Variants in COL6A2 observed in about 807,000 individuals in gnomAD.
COL6A2 encodes the protein collagen type VI alpha 2 chain.
In COL6A2, 90 loss-of-function variants were observed where a neutral mutation model predicts 124.9. The observed-to-expected ratio is 0.72, with a 90% CI of 0.61 to 0.86. COL6A2 has a LOEUF of 0.86. Ranked by LOEUF, COL6A2 falls within the 40% of genes least tolerant of loss-of-function variation. COL6A2 has a pLI of 0.00. For missense variants in COL6A2, 1,607 were observed against 1,502.5 expected (o/e 1.07, Z -1.15); for synonymous variants, 793 against 618.2 (o/e 1.28, Z -4.19).
At chr21:46,118,046 T>A in intron 12 of COL6A2, 110 bp downstream of exon 12, 1 of 1,053,788 alleles carries the variant, frequency 9.5e-7, no homozygotes, top group Non-Finnish European at 1.4e-6. Flanking sequence ...CTGGAAACAC[T>A]GGTCAGTGAG....
rs951525638 is a variant in COL6A2 at position 46,122,979 on chromosome 21, G to A, written c.1671+42G>A. 7 of 1,584,098 alleles carry A rather than the reference G, an allele frequency of 4.4e-6. No homozygotes were observed. In the African/African-American group the frequency reaches 8.1e-5, roughly 18 times the overall value. ...CGAAGCCCACAGCAGCTGGGCAGAGGCAGGGAGGGGCCCTGAGGCTGAGCG... is the reference window on the plus strand; with the variant it reads ...CGAAGCCCACAGCAGCTGGGCAGAGACAGGGAGGGGCCCTGAGGCTGAGCG... On this transcript the variant is annotated intron_variant, in intron 21 of 27. Transcript: ENST00000300527.
chr21:46,125,698 G>A lies in COL6A2; in HGVS notation c.1969+81G>A, dbSNP rs562967348. 1.0e-4 allele frequency: 167 copies of A among 1,591,860 alleles called. 1 individual carries two copies. In the African/African-American group the frequency reaches 1.6e-3, roughly 16 times the overall value. On this transcript the variant is annotated intron_variant, in intron 25 of 27. Coordinates refer to ENST00000300527, the MANE Select transcript of COL6A2 (RefSeq NM_001849.4). Reference sequence around the variant, plus strand: ...GCGATGAGATGGGAGAAGTCCAGACGCGTCCCTCCAACGAGGGCCTCTGCA... The same window carrying A: ...GCGATGAGATGGGAGAAGTCCAGACACGTCCCTCCAACGAGGGCCTCTGCA...
Position 46,111,610 on chromosome 21 carries a change from C to T in COL6A2, c.115+19C>T, listed in dbSNP as rs757343964. 19 of 1,543,170 alleles carry T rather than the reference C, an allele frequency of 1.2e-5. No individual in the cohort carries two copies. Among genetic ancestry groups the T allele is most frequent in the East Asian group, 1.1e-4 (5 of 43,912 alleles). On this transcript the variant is annotated intron_variant, in intron 2 of 27. Transcript: ENST00000300527. ...TGCCCAGGTGCCAGGGGTCGGGGGC[C>T]GGGGGCTCTGGGCATTTGGGGGGCA...
rs994404110 is a variant in COL6A2, at chr21:46,118,746, C to G, written c.1179+70C>G. ...CACGCCCATGGCCCAGATGAACAGT[C>G]ACGCTGGCCACCATCTCTGCTGTCA... On this transcript the variant is annotated intron_variant, in intron 13 of 27. Coordinates refer to ENST00000300527, the MANE Select transcript of COL6A2 (RefSeq NM_001849.4). 72 of 1,508,168 alleles carry G rather than the reference C, an allele frequency of 4.8e-5. No homozygotes were observed. In the Middle Eastern group the frequency reaches 5.1e-4, roughly 11 times the overall value. 93.4% of individuals were successfully genotyped at this position (1,508,168 alleles called of 1,614,324 possible). A position where few individuals can be genotyped will look rare whatever the true frequency, so the allele number is the denominator to read the frequency against.
intron 11 of COL6A2, 34 bp from the exon 12 acceptor site, chr21:46,117,840 G>A (rs780632550): frequency 1.0e-5 from 16 of 1,596,334 alleles, no homozygotes; most frequent in Admixed American, 5.2e-5. Context: ...CCCACCCGCC[G>A]TGTGCCGAGC....
chr21:46,121,706 T>C, intron 18 of COL6A2, 88 bp downstream of exon 18: 1 of 1,350,320 alleles, frequency 7.4e-7, no homozygotes. Flanking sequence ...GGGGACCCTG[T>C]TGCCGGCAGA....
In COL6A2 at chr21:46,132,814, G is replaced by A. The variant is rs942243922; in HGVS notation, c.*262G>A. Reference sequence around the variant, plus strand: ...TGACCTACCTGGCCCCTGAGCTCTGGAGCAAGCCCTGACCCAATAAAGGCT... The same window carrying A: ...TGACCTACCTGGCCCCTGAGCTCTGAAGCAAGCCCTGACCCAATAAAGGCT... On this transcript the variant is annotated 3_prime_UTR_variant, in exon 28 of 28. Transcript: ENST00000300527. 1 of 568,024 alleles carries A rather than the reference G, an allele frequency of 1.8e-6. No individual in the cohort carries two copies. Among genetic ancestry groups the A allele is most frequent in the Non-Finnish European group, 3.2e-6 (1 of 315,834 alleles). The allele number at this position is 568,024 out of a possible 1,614,324, so 35.2% of individuals were successfully genotyped here. A position where few individuals can be genotyped will look rare whatever the true frequency, so the allele number is the denominator to read the frequency against.
intron 27 of COL6A2, among the ~76,000 whole-genome samples, chr21:46,128,117 CG>C (rs1174253514): frequency 6.6e-6 from 1 of 152,232 alleles, no homozygotes; most frequent in Non-Finnish European, 1.5e-5. Flanking sequence ...CCTCCCCAGA[CG>C]GTGACATGGA....
intron 1 of COL6A2, among the ~76,000 whole-genome samples, chr21:46,104,017 G>T (rs1041739714): frequency 2.6e-5 from 4 of 152,138 alleles, no homozygotes; most frequent in African/African-American, 7.2e-5. Context: ...GCTTAGAAAA[G>T]ACCTAAGAAG....
At chr21:46,123,748 CTGAA>C (rs2078606602) in intron 21 of COL6A2, among the ~76,000 whole-genome samples, 1 of 118,898 alleles carries the variant, frequency 8.4e-6, no homozygotes, top group African/African-American at 3.0e-5. Context: ...TGATGGATGG[CTGAA>C]TGGATGAGTG....
rs142709940 is a variant in COL6A2 at position 46,124,919 on chromosome 21, C to A, written c.1769C>A (p.Thr590Lys). The A allele has an allele frequency of 1.3e-5, 21 of 1,612,786 alleles. No individual in the cohort carries two copies. In the East Asian group the frequency reaches 4.0e-4, roughly 31 times the overall value. Residue 590 changes from threonine (T) to lysine (K), a missense_variant and splice_region_variant, in exon 23 of 28, where the codon ACG (threonine) becomes AAG (lysine). Thr to Lys is a moderately conservative substitution (Grantham distance 78). Transcript: ENST00000300527. ...GGCCCCCCTGGAGACCCCGGTCTCACGGTAGGTGTCACATGGGGCAGAACC... is the reference window on the plus strand; with the variant it reads ...GGCCCCCCTGGAGACCCCGGTCTCAAGGTAGGTGTCACATGGGGCAGAACC... ...EPGPPGDPGLTECDVMTYVRE... is the reference protein window; with the variant it reads ...EPGPPGDPGLKECDVMTYVRE...
chr21:46,099,889 C>CTTTT (rs869028897), intron 1 of COL6A2, among the ~76,000 whole-genome samples: 25 of 91,840 alleles, frequency 2.7e-4, no homozygotes, highest in African/African-American at 4.2e-4. Context: ...GCAGCACTGT[C>CTTTT]TTTTTTTTTT....
At position 46,116,752 on chromosome 21, in the gene COL6A2, T is replaced by C; in HGVS notation, c.955-18T>C. Reference sequence around the variant, plus strand: ...AAGGACCGGGGCTAATGGAGTTCCCTCTTCCTTCTCTCTTCAGGGGGCCCC... The same window carrying C: ...AAGGACCGGGGCTAATGGAGTTCCCCCTTCCTTCTCTCTTCAGGGGGCCCC... On this transcript the variant is annotated intron_variant, in intron 9 of 27. Coordinates refer to ENST00000300527, the MANE Select transcript of COL6A2 (RefSeq NM_001849.4). The surrounding 1 kb of genome is among the most constrained non-coding windows in gnomAD (Gnocchi z 4.6). The C allele has an allele frequency of 1.2e-6, 2 of 1,613,060 alleles. No homozygotes were observed. The highest frequency in any genetic ancestry group is 1.7e-6 in the Non-Finnish European group (2 of 1,180,008).
intron 1 of COL6A2, among the ~76,000 whole-genome samples, chr21:46,109,667 C>A (rs745867245): frequency 2.6e-5 from 4 of 152,212 alleles, no homozygotes; most frequent in Admixed American, 1.3e-4. Context: ...AGGGGGCTGG[C>A]ATGTCAGCAC....
Position 46,127,186 on chromosome 21 carries a change from C to G in COL6A2, c.2461+645C>G, listed in dbSNP as rs539314556. Among the ~76,000 whole-genome samples, 17 of 152,268 alleles carry G rather than the reference C, an allele frequency of 1.1e-4. No homozygotes were observed. In the South Asian group the frequency reaches 3.5e-3, roughly 32 times the overall value. On this transcript the variant is annotated intron_variant, in intron 27 of 27. Coordinates refer to ENST00000300527, the MANE Select transcript of COL6A2 (RefSeq NM_001849.4). ...CGGGGGCGTTAGGAGCTGAGTCCCC[C>G]TCAGTGAGCCGTCCCCTCCAGGAGT...
rs76937172 is a variant in COL6A2 at position 46,103,925 on chromosome 21, A to T, written c.-28+5752A>T. ...CTTTTTCCTCTTTTGAGACGTAGAC[A>T]TTGAAGACTAGCACATTCAAAAGCA... On this transcript the variant is annotated intron_variant, in intron 1 of 27. Transcript: ENST00000300527. Among the ~76,000 whole-genome samples the T allele has an allele frequency of 6.8e-4, 104 of 152,306 alleles. 2 individuals are homozygous for T. In the East Asian group the frequency reaches 0.019, roughly 28 times the overall value.
chr21:46,128,156 G>T (rs1320803328), intron 27 of COL6A2, among the ~76,000 whole-genome samples: 3 of 152,176 alleles, frequency 2.0e-5, no homozygotes, highest in African/African-American at 7.2e-5. Context: ...CCTGGGAGTG[G>T]GTCACTCAGG....
chr21:46,099,333 G>T (rs1229217543), intron 1 of COL6A2, among the ~76,000 whole-genome samples: 1 of 152,002 alleles, frequency 6.6e-6, no homozygotes, highest in Non-Finnish European at 1.5e-5. Context: ...GCAGGCACCT[G>T]TAATCCCAGC....
chr21:46,125,202 A>AC, intron 23 of COL6A2, 64 bp from the exon 24 acceptor site: 1 of 1,486,622 alleles, frequency 6.7e-7, no homozygotes, highest in Non-Finnish European at 9.4e-7. Context: ...CCAGGCCAGG[A>AC]CCTTGCTGTG....
Sources: allele counts gnomAD v4.1 joint callset (sites outside exome capture counted in the v4.1 genomes callset), GRCh38; gene constraint gnomAD v4.1.1; non-coding constraint Gnocchi (gnomAD v3.1); transcripts MANE v1.5; gene names NCBI Gene and HGNC (gene_info 2026-07-23, HGNC 2026-07-21).